GPC3: variants seen among roughly 807,000 people sequenced by gnomAD.
GPC3 encodes glypican 3, also known as glypican-3.
In GPC3, 3 loss-of-function variants were observed where a neutral mutation model predicts 34.4. The observed-to-expected ratio is 0.09, with a 90% CI of 0.04 to 0.23. The LOEUF is 0.23. Ranked by LOEUF, GPC3 falls within the 10% of genes least tolerant of loss-of-function variation. The pLI is 1.00. For missense variants in GPC3, 351 were observed against 445.6 expected, an observed-to-expected ratio of 0.79 and a Z score of 1.91; for synonymous variants, 177 against 174.0, an observed-to-expected ratio of 1.02 and a Z score of -0.13.
intron 3 of GPC3, among the ~76,000 whole-genome samples, chrX:133,752,748 T>G (rs182738771): frequency 2.7e-5 from 3 of 112,469 alleles, no homozygotes; most frequent in Non-Finnish European, 5.6e-5. Context: ...TAATCAAGGC[T>G]ATAAACAAAA....
intron 2 of GPC3, among the ~76,000 whole-genome samples, chrX:133,796,904 T>G (rs367799703): frequency 9.0e-6 from 1 of 111,321 alleles, no homozygotes; most frequent in Non-Finnish European, 1.9e-5. Context: ...TCTCCTAACC[T>G]AAGGAAGCTC....
chrX:133,904,297 T>TCC (rs2124601816), intron 2 of GPC3, among the ~76,000 whole-genome samples: 1 of 111,676 alleles, frequency 9.0e-6, no homozygotes, highest in East Asian at 2.8e-4. Context: ...ACAAAGTGGG[T>TCC]CACTGGACCA....
chrX:133,673,199 A>G (rs2070849989), intron 5 of GPC3, among the ~76,000 whole-genome samples: 1 of 112,074 alleles, frequency 8.9e-6, no homozygotes, highest in African/African-American at 3.2e-5. Flanking sequence ...CGGCCTCCCA[A>G]AGTGCTGGGA....
At chrX:133,727,393 T>TA (rs899808500) in intron 3 of GPC3, among the ~76,000 whole-genome samples, 2 of 110,045 alleles carry the variant, frequency 1.8e-5, no homozygotes, top group South Asian at 4.0e-4. Context: ...TAAAAATATA[T>TA]AAAAAAATTA....
chrX:133,684,252 A>C (rs1264388877), intron 5 of GPC3, among the ~76,000 whole-genome samples: 1 of 112,139 alleles, frequency 8.9e-6, no homozygotes, highest in Non-Finnish European at 1.9e-5. Context: ...AAATCCAAAA[A>C]TGTCTTAGGG....
intron 4 of GPC3, among the ~76,000 whole-genome samples, chrX:133,694,607 C>G (rs1002473854): frequency 3.6e-5 from 4 of 110,154 alleles, no homozygotes; most frequent in Non-Finnish European, 7.6e-5. Context: ...GGCCATTAGT[C>G]TACGGGAAAC....
At chrX:133,687,369 C>G (rs1251022183) in intron 5 of GPC3, among the ~76,000 whole-genome samples, 1 of 100,379 alleles carries the variant, frequency 1.0e-5, no homozygotes, top group African/African-American at 3.6e-5. Flanking sequence ...GTGGAATGAG[C>G]CTGAATTATC....
intron 5 of GPC3, among the ~76,000 whole-genome samples, chrX:133,666,682 TTAGAATGAAATACTATGAGC>T (rs1423373074): frequency 2.7e-5 from 3 of 112,438 alleles, no homozygotes; most frequent in Admixed American, 9.4e-5. Context: ...GTAATCAGTG[TTAGAATGAAATACTATGAGC>T]ACATTAATAG....
intron 1 of GPC3, 76 bp from the exon 2 acceptor site, chrX:133,953,287 C>T (rs1254522291): frequency 8.9e-6 from 7 of 790,440 alleles, no homozygotes; most frequent in Admixed American, 6.7e-5. Flanking sequence ...CCACCCCCAC[C>T]CCCTACACAC....
chrX:133,887,706 T>C (rs1418044127), intron 2 of GPC3, among the ~76,000 whole-genome samples: 4 of 111,999 alleles, frequency 3.6e-5, no homozygotes, highest in African/African-American at 9.7e-5. Context: ...AGCAAATATA[T>C]AGGTTAACCC....
chrX:133,924,415 C>G (rs756847323), intron 2 of GPC3, among the ~76,000 whole-genome samples: 1 of 111,193 alleles, frequency 9.0e-6, no homozygotes, highest in Non-Finnish European at 1.9e-5. Context: ...GCCCCTGCTC[C>G]CACTCCAAAA....
chrX:133,908,072 G>A (rs934038899), intron 2 of GPC3, among the ~76,000 whole-genome samples: 6 of 111,218 alleles, frequency 5.4e-5, no homozygotes, highest in African/African-American at 2.0e-4. Context: ...CTTTCGGAGA[G>A]ATGACTTTTT....
At chrX:133,680,090 A>G (rs1360823306) in intron 5 of GPC3, among the ~76,000 whole-genome samples, 1 of 112,224 alleles carries the variant, frequency 8.9e-6, no homozygotes, top group African/African-American at 3.2e-5. Context: ...AGGTGTGGAC[A>G]GGAGGATCCA....
At chrX:133,821,066 T>C (rs1029415938) in intron 2 of GPC3, among the ~76,000 whole-genome samples, 1 of 112,233 alleles carries the variant, frequency 8.9e-6, no homozygotes, top group African/African-American at 3.2e-5. Flanking sequence ...TCTTCAAGTG[T>C]ATACAAAGTG....
intron 3 of GPC3, among the ~76,000 whole-genome samples, chrX:133,701,396 A>C (rs1210801328): frequency 1.8e-5 from 2 of 112,071 alleles, no homozygotes; most frequent in Non-Finnish European, 3.8e-5. Context: ...TGTCTGACTT[A>C]GAACCCATTT....
At chrX:133,670,537 T>C (rs998835502) in intron 5 of GPC3, among the ~76,000 whole-genome samples, 2 of 112,079 alleles carry the variant, frequency 1.8e-5, no homozygotes, top group Admixed American at 1.9e-4. Flanking sequence ...AAGTTTAATA[T>C]GCTGCCCAGC....
At chrX:133,732,859 CA>C (rs2071474988) in intron 3 of GPC3, among the ~76,000 whole-genome samples, 2 of 110,978 alleles carry the variant, frequency 1.8e-5, no homozygotes, top group East Asian at 5.7e-4. Context: ...CAAGAGTTCA[CA>C]TTTCTTTCTT....
Position 133,917,655 on chromosome X carries a change from T to C in GPC3, c.337+35395A>G, listed in dbSNP as rs1473452569. 2.7e-5 allele frequency among the ~76,000 whole-genome samples: 3 copies of C among 111,956 alleles called. No homozygotes were observed. In the East Asian group the frequency reaches 8.3e-4, roughly 31 times the overall value. ...TGTCATGTGTGTTTTATGACTGTCA[T>C]TGGTTTTTCAAAAAGCAGTGTTACA... On this transcript the variant is annotated intron_variant, in intron 2 of 7. Coordinates refer to ENST00000370818, the MANE Select transcript of GPC3 (RefSeq NM_004484.4).
At chrX:133,642,632 C>T (rs2070491482) in intron 6 of GPC3, among the ~76,000 whole-genome samples, 2 of 109,355 alleles carry the variant, frequency 1.8e-5, no homozygotes, top group Non-Finnish European at 1.9e-5. Context: ...ATCAGCTGGG[C>T]GTGGTGGCGC....
Sources: gnomAD v4.1 joint callset for allele counts (sites outside exome capture counted in the v4.1 genomes callset) on GRCh38, gnomAD v4.1.1 for gene constraint, MANE v1.5 for transcripts, NCBI Gene and HGNC (gene_info 2026-07-23, HGNC 2026-07-21) for gene names.